Variants in ERBB4 observed in about 807,000 individuals in gnomAD.
ERBB4 encodes the protein receptor tyrosine-protein kinase erbB-4.
ERBB4 carries 42 observed loss-of-function variants against 158.0 expected under a neutral mutation model. That is an observed-to-expected ratio of 0.27 (90% CI 0.21 to 0.34). The LOEUF is 0.34. Ranked by LOEUF, ERBB4 falls within the 10% of genes least tolerant of loss-of-function variation. The pLI, the probability that ERBB4 is intolerant of heterozygous loss-of-function variation, is 1.00. For missense variants in ERBB4, 1,333 were observed against 1,624.1 expected (o/e 0.82, Z 3.08); for synonymous variants, 583 against 558.7 (o/e 1.04, Z -0.61).
rs5838261 is a variant in ERBB4 at position 211,392,558 on chromosome 2, CCACACACA to C, written c.3136-4574_3136-4567del. Among the ~76,000 whole-genome samples the C allele has an allele frequency of 5.2e-3, 735 of 141,010 alleles. 14 individuals are homozygous for C. Among genetic ancestry groups the C allele is most frequent in the Middle Eastern group, 3.6e-3 (1 of 276 alleles). The allele number at this position is 141,010 out of a possible 152,430, so 92.5% of individuals were successfully genotyped here. On this transcript the variant is annotated intron_variant, in intron 25 of 27. Coordinates refer to ENST00000342788, the MANE Select transcript of ERBB4 (RefSeq NM_005235.3). ...ACTTTTTTGAAAAAACTCTCTTACT[CCACACACA>C]CACACACACACACACACACACACAC...
At chr2:212,067,380 A>C (rs1449648931) in intron 2 of ERBB4, among the ~76,000 whole-genome samples, 1 of 152,014 alleles carries the variant, frequency 6.6e-6, no homozygotes, top group African/African-American at 2.4e-5. Context: ...AAGAAATCTA[A>C]AGTAAACCTG....
chr2:211,490,464 G>A (rs1275940174), intron 20 of ERBB4, among the ~76,000 whole-genome samples: 1 of 151,976 alleles, frequency 6.6e-6, no homozygotes, highest in Admixed American at 6.6e-5. Flanking sequence ...TTCACTAGTG[G>A]TAATTCAAGG....
intron 19 of ERBB4, among the ~76,000 whole-genome samples, chr2:211,610,344 C>A (rs541705256): frequency 2.0e-5 from 3 of 152,232 alleles, no homozygotes; most frequent in Admixed American, 2.0e-4. Flanking sequence ...GGACTTTATG[C>A]AGATAGTCCC....
At chr2:211,708,634 CTCT>C (rs1358013017) in intron 9 of ERBB4, among the ~76,000 whole-genome samples, 1 of 151,254 alleles carries the variant, frequency 6.6e-6, no homozygotes, top group African/African-American at 2.4e-5. Flanking sequence ...CTCTCTCTCT[CTCT>C]CTCTCTCACT....
At chr2:211,858,516 C>A (rs935957938) in intron 3 of ERBB4, among the ~76,000 whole-genome samples, 5 of 152,246 alleles carry the variant, frequency 3.3e-5, no homozygotes, top group Admixed American at 6.5e-5. Context: ...CCAAAATTCT[C>A]TATTGAGTTA....
intron 3 of ERBB4, among the ~76,000 whole-genome samples, chr2:211,895,080 C>T (rs1280100887): frequency 6.6e-6 from 1 of 152,164 alleles, no homozygotes; most frequent in Non-Finnish European, 1.5e-5. Context: ...GTTCCCTTTT[C>T]TGCTAGACAT....
chr2:211,431,194 C>T, intron 20 of ERBB4, 94 bp from the exon 21 acceptor site: 1 of 1,153,004 alleles, frequency 8.7e-7, no homozygotes. Context: ...GTTGGAAGTG[C>T]CTAATTTTTT....
chr2:211,690,610 T>C (rs563157785), intron 12 of ERBB4, among the ~76,000 whole-genome samples: 1 of 152,274 alleles, frequency 6.6e-6, no homozygotes, highest in East Asian at 1.9e-4. Flanking sequence ...GAAGTGAAGA[T>C]TGGTTGATCA....
At chr2:211,623,573 G>A (rs185002580) in intron 18 of ERBB4, among the ~76,000 whole-genome samples, 24 of 152,276 alleles carry the variant, frequency 1.6e-4, no homozygotes, top group African/African-American at 5.8e-4. Context: ...GGGGTTCATG[G>A]AGCACTGTGT....
At chr2:211,997,916 C>T (rs1169717616) in intron 2 of ERBB4, among the ~76,000 whole-genome samples, 1 of 146,714 alleles carries the variant, frequency 6.8e-6, no homozygotes, top group Non-Finnish European at 1.5e-5. Flanking sequence ...ACATCACACA[C>T]ACACACACAC....
At chr2:211,881,158 C>A (rs1324556174) in intron 3 of ERBB4, among the ~76,000 whole-genome samples, 3 of 152,040 alleles carry the variant, frequency 2.0e-5, no homozygotes, top group Admixed American at 2.0e-4. Context: ...CCGTTACAAT[C>A]CTAAAAACAA....
intron 1 of ERBB4, among the ~76,000 whole-genome samples, chr2:212,162,249 C>A (rs546303449): frequency 2.0e-4 from 31 of 151,832 alleles, no homozygotes; most frequent in East Asian, 7.8e-4. Flanking sequence ...TGAAAAGGAG[C>A]AAATTACTCA....
At position 211,602,730 on chromosome 2, in the gene ERBB4, G is replaced by C. The variant is rs114468572; in HGVS notation, c.2301+16447C>G. 3.7e-3 allele frequency among the ~76,000 whole-genome samples: 563 copies of C among 152,180 alleles called. 3 individuals carry two copies. The highest frequency in any genetic ancestry group is 0.013 in the African/African-American group (541 of 41,500). On this transcript the variant is annotated intron_variant, in intron 19 of 27. Transcript: ENST00000342788. ...GCATTCTATCTCCTGATTGGGCATA[G>C]ACTACTACAGATATACTTTCAGTGA... is the stretch of plus-strand genomic sequence containing the variant.
intron 3 of ERBB4, among the ~76,000 whole-genome samples, chr2:211,872,041 T>C (rs1397815975): frequency 6.6e-6 from 1 of 151,886 alleles, no homozygotes; most frequent in Non-Finnish European, 1.5e-5. Flanking sequence ...CTTTATGAAG[T>C]CAGACATACA....
Position 212,307,365 on chromosome 2 carries a change from C to T in ERBB4, c.83-182462G>A, listed in dbSNP as rs1230192263. 6.8e-5 allele frequency among the ~76,000 whole-genome samples: 5 copies of T among 73,528 alleles called. No homozygotes were observed. The South Asian group carries it at 1.8e-3, about 26-fold the overall frequency. The allele number at this position is 73,528 out of a possible 152,430, so 48.2% of individuals were successfully genotyped here. On this transcript the variant is annotated intron_variant, in intron 1 of 27. Coordinates refer to ENST00000342788, the MANE Select transcript of ERBB4 (RefSeq NM_005235.3). ...CCCAGGCAAAAATAAATCATGCTGACTATTGGCAAAAAAAAAAGAGGAAAT... is the reference window on the plus strand; with the variant it reads ...CCCAGGCAAAAATAAATCATGCTGATTATTGGCAAAAAAAAAAGAGGAAAT...
At chr2:212,534,919 C>A (rs1421628093) in intron 1 of ERBB4, among the ~76,000 whole-genome samples, 1 of 152,052 alleles carries the variant, frequency 6.6e-6, no homozygotes. Context: ...ATAAATCTTC[C>A]ACAAAGTTCA....
intron 2 of ERBB4, among the ~76,000 whole-genome samples, chr2:212,054,161 T>C (rs902353517): frequency 6.6e-6 from 1 of 152,096 alleles, no homozygotes; most frequent in Non-Finnish European, 1.5e-5. Context: ...GTGGAGTATA[T>C]GTGCTATGTA....
intron 1 of ERBB4, among the ~76,000 whole-genome samples, chr2:212,358,367 A>T (rs190534068): frequency 0.04 from 5,764 of 142,852 alleles, 150 homozygotes; most frequent in Admixed American, 0.087. Flanking sequence ...CACTTTTTTT[A>T]AAAAAAAAAC....
intron 3 of ERBB4, among the ~76,000 whole-genome samples, chr2:211,881,967 A>G (rs902024335): frequency 6.6e-6 from 1 of 152,202 alleles, no homozygotes; most frequent in Non-Finnish European, 1.5e-5. Context: ...CCAAAGAAAG[A>G]TAACATCGGC....
Sources: allele counts gnomAD v4.1 joint callset (sites outside exome capture counted in the v4.1 genomes callset), GRCh38; gene constraint gnomAD v4.1.1; transcripts MANE v1.5; gene names NCBI Gene and HGNC (gene_info 2026-07-23, HGNC 2026-07-21).